The following STOX2 variants were observed in gnomAD, a reference collection of about 807,000 sequenced individuals.
The protein encoded by STOX2 is storkhead box 2, also known as storkhead-box protein 2.
Under a neutral mutation model 60.9 loss-of-function variants are expected in STOX2, and 28 were observed. That is an observed-to-expected ratio of 0.46 (90% CI 0.34 to 0.63). The LOEUF is 0.63. STOX2 is among the 30% of genes least tolerant of loss of function. The pLI, the probability that STOX2 is intolerant of heterozygous loss-of-function variation, is 0.01. For missense variants in STOX2, 1,024 were observed against 1,187.7 expected (o/e 0.86, Z 2.03); for synonymous variants, 472 against 463.9 (o/e 1.02, Z -0.22).
chr4:183,859,224 A>T (rs1180250025), intron 1 of STOX2, among the ~76,000 whole-genome samples: 2 of 151,942 alleles, frequency 1.3e-5, no homozygotes, highest in East Asian at 3.9e-4. Context: ...CCCTCTTCCC[A>T]GTGTTGTAGG....
chr4:183,817,218 G>A (rs980145301), intron 1 of STOX2, among the ~76,000 whole-genome samples: 3 of 152,216 alleles, frequency 2.0e-5, no homozygotes, highest in Admixed American at 6.5e-5. Flanking sequence ...GGGCTGATCT[G>A]TGTCATTCAT....
chr4:183,956,148 C>T (rs1743241483), intron 1 of STOX2, among the ~76,000 whole-genome samples: 1 of 152,178 alleles, frequency 6.6e-6, no homozygotes, highest in Non-Finnish European at 1.5e-5. Context: ...TGTCTAAATG[C>T]TCCTTAGAAA....
At chr4:183,891,385 T>C (rs1741211324) in intron 1 of STOX2, among the ~76,000 whole-genome samples, 1 of 126,618 alleles carries the variant, frequency 7.9e-6, no homozygotes. Context: ...TATATATATA[T>C]ATATATATAT....
intron 1 of STOX2, among the ~76,000 whole-genome samples, chr4:183,989,197 T>TTTTTG (rs1553985299): frequency 7.0e-5 from 6 of 85,290 alleles, no homozygotes; most frequent in Non-Finnish European, 1.4e-4. Flanking sequence ...TTTTTTTGTT[T>TTTTTG]GTTTGGTTTG....
chr4:184,015,431 A>G (rs1441487896), intron 3 of STOX2: 1 of 152,188 alleles, frequency 6.6e-6, no homozygotes, highest in Non-Finnish European at 1.5e-5. Context: ...GCATAATGAA[A>G]AACTTGACTT....
chr4:183,997,125 A>G (rs1360434543), intron 1 of STOX2, among the ~76,000 whole-genome samples: 1 of 152,228 alleles, frequency 6.6e-6, no homozygotes. Context: ...CCAAACGCAC[A>G]TGCACACATG....
intron 1 of STOX2, among the ~76,000 whole-genome samples, chr4:183,833,316 T>C (rs1335170426): frequency 6.6e-6 from 1 of 152,174 alleles, no homozygotes; most frequent in Non-Finnish European, 1.5e-5. Context: ...AGGTCTGGCA[T>C]CATCAAAGAA....
intron 1 of STOX2, among the ~76,000 whole-genome samples, chr4:183,849,646 A>T (rs574584017): frequency 2.2e-4 from 33 of 152,340 alleles, no homozygotes; most frequent in African/African-American, 7.5e-4. Context: ...GTAATTGATT[A>T]TATGAGATTG....
At chr4:183,977,639 T>A (rs1270327953) in intron 1 of STOX2, among the ~76,000 whole-genome samples, 5 of 152,114 alleles carry the variant, frequency 3.3e-5, no homozygotes, top group African/African-American at 7.2e-5. Flanking sequence ...TGAGTAGTGG[T>A]GCAATAAACA....
At chr4:183,962,045 C>T (rs1342875532) in intron 1 of STOX2, among the ~76,000 whole-genome samples, 5 of 152,196 alleles carry the variant, frequency 3.3e-5, no homozygotes, top group Admixed American at 2.6e-4. Flanking sequence ...TCTCTATAAA[C>T]ATTTGATTGT....
At chr4:183,872,644 G>T (rs768715456) in intron 1 of STOX2, among the ~76,000 whole-genome samples, 12 of 152,176 alleles carry the variant, frequency 7.9e-5, no homozygotes, top group Non-Finnish European at 1.8e-4. Context: ...GAAGCCGGGT[G>T]TGTGGCAAGC....
At chr4:183,820,749 C>T (rs1158518624) in intron 1 of STOX2, among the ~76,000 whole-genome samples, 3 of 152,016 alleles carry the variant, frequency 2.0e-5, no homozygotes, top group African/African-American at 7.3e-5. Context: ...TCTGGCTGAT[C>T]CCCATTATGG....
intron 1 of STOX2, among the ~76,000 whole-genome samples, chr4:183,920,086 GT>G (rs1454817449): frequency 5.3e-5 from 8 of 152,058 alleles, no homozygotes; most frequent in Non-Finnish European, 1.2e-4. Context: ...ATCATGTTCA[GT>G]GTTAGTAAAA....
intron 1 of STOX2, among the ~76,000 whole-genome samples, chr4:183,947,363 C>T (rs574867193): frequency 2.9e-4 from 44 of 152,130 alleles, no homozygotes; most frequent in African/African-American, 1.0e-3. Context: ...TGTAATATTT[C>T]GTTGTTGGCC....
In STOX2 at chr4:183,856,080, C is replaced by T. The variant is rs1351980498; in HGVS notation, c.364+58025C>T. Among the ~76,000 whole-genome samples the T allele has an allele frequency of 6.6e-6, 1 of 152,148 alleles. No individual in the cohort carries two copies. Among genetic ancestry groups the T allele is most frequent in the Non-Finnish European group, 1.5e-5 (1 of 68,030 alleles). The stretch of plus-strand genomic sequence containing the variant: ...CTCATTCCTGGCCTGGTGGTAGCAT[C>T]TTGCTGCAGGGATGGACCTCTCAGA... On this transcript the variant is annotated intron_variant, in intron 1 of 2. Coordinates refer to the STOX2 transcript ENST00000513034. This position sits in a 1 kb window ranked among gnomAD's most constrained non-coding sequence, Gnocchi z 4.0.
intron 1 of STOX2, among the ~76,000 whole-genome samples, chr4:183,877,295 GA>G (rs1740851413): frequency 6.6e-6 from 1 of 152,192 alleles, no homozygotes; most frequent in Admixed American, 6.5e-5. Flanking sequence ...GAGCTCAAGA[GA>G]AATGAAGAAT....
chr4:183,990,447 T>C (rs910908146), intron 1 of STOX2, among the ~76,000 whole-genome samples: 4 of 152,144 alleles, frequency 2.6e-5, no homozygotes, highest in Non-Finnish European at 5.9e-5. Flanking sequence ...CCCACCTAAA[T>C]TGTAATCTCA....
intron 1 of STOX2, among the ~76,000 whole-genome samples, chr4:183,867,702 C>A (rs772720388): frequency 6.6e-6 from 1 of 152,174 alleles, no homozygotes; most frequent in Non-Finnish European, 1.5e-5. Context: ...ATAGTTAATT[C>A]TTGGCGTGTG....
At chr4:183,819,082 C>T (rs1383449271) in intron 1 of STOX2, among the ~76,000 whole-genome samples, 1 of 151,102 alleles carries the variant, frequency 6.6e-6, no homozygotes, top group Admixed American at 6.6e-5. Flanking sequence ...GGCAGAGGGG[C>T]TCCTCACATC....
Sources: gnomAD v4.1 joint callset for allele counts (sites outside exome capture counted in the v4.1 genomes callset) on GRCh38, gnomAD v4.1.1 for gene constraint, Gnocchi (gnomAD v3.1) non-coding constraint, MANE v1.5 for transcripts, NCBI Gene and HGNC (gene_info 2026-07-23, HGNC 2026-07-21) for gene names.